Variants in CCDC148 observed in about 807,000 individuals in gnomAD.
CCDC148 encodes coiled-coil domain-containing protein 148.
CCDC148 carries 89 observed loss-of-function variants against 85.7 expected under a neutral mutation model. That is an observed-to-expected ratio of 1.04 (90% CI 0.87 to 1.24). The LOEUF is 1.24. Ranked by LOEUF, CCDC148 falls within the 50% of genes most tolerant of loss-of-function variation. The pLI, the probability that CCDC148 is intolerant of heterozygous loss-of-function variation, is 0.00. For missense variants in CCDC148, 692 were observed against 671.7 expected (o/e 1.03, Z -0.33); for synonymous variants, 230 against 213.9 (o/e 1.08, Z -0.66).
intron 9 of CCDC148, among the ~76,000 whole-genome samples, chr2:158,278,535 G>C (rs1380408339): frequency 6.6e-6 from 1 of 152,238 alleles, no homozygotes; most frequent in Admixed American, 6.5e-5. Flanking sequence ...TAGCACAGCA[G>C]TCTGAGATCA....
intron 3 of CCDC148, among the ~76,000 whole-genome samples, chr2:158,344,980 CACAT>C (rs1290525484): frequency 6.6e-6 from 1 of 152,002 alleles, no homozygotes; most frequent in African/African-American, 2.4e-5. Flanking sequence ...AAGTGATTGA[CACAT>C]ACAGAAGATC....
intron 9 of CCDC148, among the ~76,000 whole-genome samples, chr2:158,264,678 C>G (rs1217220497): frequency 1.3e-5 from 2 of 151,884 alleles, no homozygotes; most frequent in African/African-American, 2.4e-5. Flanking sequence ...CCAGATTATC[C>G]CCCAAAATGC....
Position 158,356,790 on chromosome 2 carries a change from A to T in CCDC148, c.147+1659T>A, listed in dbSNP as rs562371762. Among the ~76,000 whole-genome samples the T allele has an allele frequency of 6.5e-5, 9 of 139,442 alleles. No individual in the cohort carries two copies. In the East Asian group the frequency reaches 1.9e-3, roughly 29 times the overall value. 91.5% of individuals were successfully genotyped at this position (139,442 alleles called of 152,430 possible). A position where few individuals can be genotyped will look rare whatever the true frequency, so the allele number is the denominator to read the frequency against. ...TAAAGACACATGCACACGTATGTTT[A>T]TTGCGGCATTATTCACAATAGCAAA... is the stretch of plus-strand genomic sequence containing the variant. On this transcript the variant is annotated intron_variant, in intron 2 of 13. Transcript: ENST00000283233.
At chr2:158,227,031 T>C (rs201102707) in intron 10 of CCDC148, among the ~76,000 whole-genome samples, 5,398 of 152,006 alleles carry the variant, frequency 0.036, 131 homozygotes, top group East Asian at 0.098. Flanking sequence ...TGTTTGCAGA[T>C]GACATGATTG....
chr2:158,283,663 T>C (rs1182593694), intron 9 of CCDC148, among the ~76,000 whole-genome samples: 2 of 151,872 alleles, frequency 1.3e-5, no homozygotes, highest in Non-Finnish European at 2.9e-5. Flanking sequence ...TAGGAACACT[T>C]TTACACTGTT....
intron 7 of CCDC148, among the ~76,000 whole-genome samples, chr2:158,328,915 C>A (rs1223487237): frequency 8.4e-6 from 1 of 119,448 alleles, no homozygotes; most frequent in Non-Finnish European, 1.6e-5. Context: ...TGGATATTAG[C>A]CCTTTGTCAG....
chr2:158,251,227 TG>T (rs1438981171), intron 9 of CCDC148, among the ~76,000 whole-genome samples: 1 of 151,912 alleles, frequency 6.6e-6, no homozygotes, highest in Non-Finnish European at 1.5e-5. Flanking sequence ...TTTCTGGTTT[TG>T]CCTATGTTTT....
chr2:158,220,928 T>C (rs1024665147), intron 10 of CCDC148, among the ~76,000 whole-genome samples: 2 of 152,210 alleles, frequency 1.3e-5, no homozygotes, highest in African/African-American at 4.8e-5. Flanking sequence ...GGTTTAACAA[T>C]TTCTGCAATG....
chr2:158,359,328 G>A (rs572080035), intron 1 of CCDC148, among the ~76,000 whole-genome samples: 2 of 152,294 alleles, frequency 1.3e-5, no homozygotes, highest in South Asian at 2.1e-4. Flanking sequence ...CATGACTATA[G>A]GAAGCTCTCA....
At chr2:158,245,127 G>A (rs1688516577) in intron 10 of CCDC148, among the ~76,000 whole-genome samples, 1 of 152,148 alleles carries the variant, frequency 6.6e-6, no homozygotes, top group Admixed American at 6.6e-5. Context: ...AAGAGCTTCT[G>A]GAGTCTTCTG....
At chr2:158,180,803 C>T (rs1684862234) in intron 11 of CCDC148, among the ~76,000 whole-genome samples, 1 of 152,106 alleles carries the variant, frequency 6.6e-6, no homozygotes, top group South Asian at 2.1e-4. Flanking sequence ...AGGAGGGAAG[C>T]ACACAGTGGA....
intron 7 of CCDC148, among the ~76,000 whole-genome samples, chr2:158,319,287 T>G (rs141692406): frequency 6.6e-6 from 1 of 152,288 alleles, no homozygotes; most frequent in East Asian, 1.9e-4. Context: ...TCTCCAGCCC[T>G]GGCAGTGAAT....
chr2:158,421,736 A>G (rs1299822822), intron 1 of CCDC148, among the ~76,000 whole-genome samples: 1 of 152,182 alleles, frequency 6.6e-6, no homozygotes, highest in African/African-American at 2.4e-5. Context: ...AATAACTAAG[A>G]TCAGAGCAGA....
chr2:158,310,250 T>C (rs1432234820), intron 8 of CCDC148, among the ~76,000 whole-genome samples: 2 of 152,170 alleles, frequency 1.3e-5, no homozygotes. Context: ...GGTAAGGTTA[T>C]AGATTAACAG....
At chr2:158,290,612 C>T (rs745604040) in intron 9 of CCDC148, among the ~76,000 whole-genome samples, 82 of 152,140 alleles carry the variant, frequency 5.4e-4, no homozygotes, top group Non-Finnish European at 4.4e-4. Context: ...CATTTCCCTC[C>T]TTCCCCACAT....
intron 1 of CCDC148, among the ~76,000 whole-genome samples, chr2:158,375,934 C>T (rs1245528780): frequency 6.6e-6 from 1 of 152,126 alleles, no homozygotes; most frequent in Non-Finnish European, 1.5e-5. Flanking sequence ...GCCCTGGACT[C>T]TTTCCCTCTG....
chr2:158,280,635 G>C (rs988734650), intron 9 of CCDC148, among the ~76,000 whole-genome samples: 1 of 152,088 alleles, frequency 6.6e-6, no homozygotes, highest in Admixed American at 6.6e-5. Flanking sequence ...AGCAAGTCCT[G>C]AGTGACCTAC....
intron 1 of CCDC148, among the ~76,000 whole-genome samples, chr2:158,448,474 A>G (rs1055799228): frequency 6.6e-6 from 1 of 151,832 alleles, no homozygotes; most frequent in Non-Finnish European, 1.5e-5. Flanking sequence ...CAGACCCCTG[A>G]GGAGCTGGGA....
At chr2:158,197,164 C>T (rs776366163) in intron 11 of CCDC148, among the ~76,000 whole-genome samples, 1 of 152,070 alleles carries the variant, frequency 6.6e-6, no homozygotes, top group Non-Finnish European at 1.5e-5. Flanking sequence ...TGTTTCCACT[C>T]ACAATAAGTC....
Sources: gnomAD v4.1 joint callset for allele counts (sites outside exome capture counted in the v4.1 genomes callset) on GRCh38, gnomAD v4.1.1 for gene constraint, MANE v1.5 for transcripts, NCBI Gene and HGNC (gene_info 2026-07-23, HGNC 2026-07-21) for gene names.